RTL4: variants seen among roughly 807,000 people sequenced by gnomAD.
RTL4 encodes the protein retrotransposon Gag like 4, also known as retrotransposon Gag-like protein 4.
RTL4 carries 4 observed loss-of-function variants against 5.3 expected under a neutral mutation model. That is an observed-to-expected ratio of 0.75 (90% CI 0.37 to 1.72). The LOEUF is 1.72. Ranked by LOEUF, RTL4 falls within the 40% of genes most tolerant of loss-of-function variation. The pLI, the probability that RTL4 is intolerant of heterozygous loss-of-function variation, is 0.04. For missense variants in RTL4, 260 were observed against 227.1 expected (o/e 1.14, Z -0.93); for synonymous variants, 98 against 87.3 (o/e 1.12, Z -0.68).
chrX:112,419,763 T>A, the RTL4 span, among the ~76,000 whole-genome samples: 9 of 106,231 alleles, frequency 8.5e-5, no homozygotes, highest in Non-Finnish European at 1.5e-4. Context: ...TGACCCATTG[T>A]CTTTGTAAAG....
chrX:112,238,446 T>C, the RTL4 span, among the ~76,000 whole-genome samples: 1 of 111,682 alleles, frequency 9.0e-6, no homozygotes, highest in Non-Finnish European at 1.9e-5. Flanking sequence ...TATGCCCAAA[T>C]AAATTATTCT....
At chrX:112,331,318 A>T in the RTL4 span, among the ~76,000 whole-genome samples, 1 of 105,073 alleles carries the variant, frequency 9.5e-6, no homozygotes, top group South Asian at 4.4e-4. Flanking sequence ...CAAGAAAAAA[A>T]CAAACAACCC....
chrX:112,270,701 C>G, the RTL4 span, among the ~76,000 whole-genome samples: 1 of 110,778 alleles, frequency 9.0e-6, no homozygotes, highest in Non-Finnish European at 1.9e-5. Context: ...AATGGGTTGA[C>G]AATTAGGAGG....
At chrX:112,350,377 A>C in the RTL4 span, among the ~76,000 whole-genome samples, 1 of 108,818 alleles carries the variant, frequency 9.2e-6, no homozygotes, top group African/African-American at 3.3e-5. Context: ...TGCTGGCCTC[A>C]TAAAATGAGT....
chrX:112,239,928 T>A, the RTL4 span, among the ~76,000 whole-genome samples: 1 of 111,631 alleles, frequency 9.0e-6, no homozygotes, highest in Admixed American at 9.6e-5. Flanking sequence ...GAATCACTCA[T>A]TATACCAAGA....
At position 112,455,708 on chromosome X, in the gene RTL4, T is replaced by A. The variant is rs12400165; in HGVS notation, c.*47T>A. ...TTTTAAACTTACATCCCAGCCTTAC[T>A]GATTTATAACCTGCATTAACTTTTA... On this transcript the variant is annotated 3_prime_UTR_variant, in exon 1 of 1. Transcript: ENST00000340433. 2,093 of 1,106,593 alleles carry A rather than the reference T, an allele frequency of 1.9e-3. 4 individuals carry two copies. The highest frequency in any genetic ancestry group is 2.4e-3 in the Non-Finnish European group (1,961 of 826,784). 91.2% of individuals were successfully genotyped at this position (1,106,593 alleles called of 1,213,427 possible).
chrX:112,362,510 G>C, the RTL4 span, among the ~76,000 whole-genome samples: 38,875 of 110,693 alleles, frequency 0.35, 6,757 homozygotes, highest in African/African-American at 0.68. Flanking sequence ...AGACTGTCAT[G>C]TGAAGAAAGA....
At chrX:112,342,668 A>C in the RTL4 span, among the ~76,000 whole-genome samples, 1 of 111,842 alleles carries the variant, frequency 8.9e-6, no homozygotes, top group African/African-American at 3.3e-5. Flanking sequence ...TTGAAAGCCA[A>C]TGACAGATAC....
the RTL4 span, among the ~76,000 whole-genome samples, chrX:112,169,026 C>T: frequency 2.0e-5 from 1 of 49,064 alleles, no homozygotes; most frequent in Non-Finnish European, 3.6e-5. Flanking sequence ...CTTTCTCTTT[C>T]TCTTTCTTTC....
the RTL4 span, among the ~76,000 whole-genome samples, chrX:112,350,842 A>C: frequency 9.0e-6 from 1 of 111,166 alleles, no homozygotes; most frequent in Non-Finnish European, 1.9e-5. Context: ...AATTTTTTGA[A>C]GGGTTTTTTG....
the RTL4 span, among the ~76,000 whole-genome samples, chrX:112,419,868 A>G: frequency 9.2e-6 from 1 of 108,991 alleles, no homozygotes; most frequent in Non-Finnish European, 1.9e-5. Flanking sequence ...GGCAAAGGAA[A>G]ATCATCAAAC....
chrX:112,112,222 C>T, the RTL4 span, among the ~76,000 whole-genome samples: 1 of 112,180 alleles, frequency 8.9e-6, no homozygotes, highest in African/African-American at 3.2e-5. Context: ...GCTATTCCTG[C>T]TCTCTCTGTG....
At chrX:112,242,604 C>G in the RTL4 span, among the ~76,000 whole-genome samples, 1 of 111,582 alleles carries the variant, frequency 9.0e-6, no homozygotes, top group Non-Finnish European at 1.9e-5. Flanking sequence ...GGGCTGAGAT[C>G]ATGGAGTTTT....
At chrX:112,416,555 C>T in the RTL4 span, among the ~76,000 whole-genome samples, 6 of 111,872 alleles carry the variant, frequency 5.4e-5, no homozygotes, top group African/African-American at 1.3e-4. Flanking sequence ...TCTACTTGAC[C>T]GGCTTAGCAA....
chrX:112,402,403 TGTG>T, the RTL4 span, among the ~76,000 whole-genome samples: 9 of 42,908 alleles, frequency 2.1e-4, no homozygotes, highest in Non-Finnish European at 1.5e-4. Context: ...ATTATTATTG[TGTG>T]TGTGTGTGTG....
the RTL4 span, among the ~76,000 whole-genome samples, chrX:112,114,641 TAGAC>T: frequency 9.0e-6 from 1 of 111,377 alleles, no homozygotes; most frequent in East Asian, 2.9e-4. Flanking sequence ...ACAAAACTGA[TAGAC>T]AGGAGGTTTT....
the RTL4 span, among the ~76,000 whole-genome samples, chrX:112,285,634 G>A: frequency 3.6e-5 from 4 of 111,439 alleles, no homozygotes; most frequent in Admixed American, 3.8e-4. Flanking sequence ...TTTAATATTG[G>A]TAATTGCCAT....
chrX:112,236,562 A>G, the RTL4 span, among the ~76,000 whole-genome samples: 1 of 101,358 alleles, frequency 9.9e-6, no homozygotes, highest in Admixed American at 1.1e-4. Context: ...ATGAATATAT[A>G]TATAGTCAAA....
chrX:112,360,070 T>C, the RTL4 span, among the ~76,000 whole-genome samples: 1 of 111,614 alleles, frequency 9.0e-6, no homozygotes, highest in African/African-American at 3.2e-5. Context: ...ATATGAGTTG[T>C]ATACATAAGC....
Sources: gnomAD v4.1 joint callset for allele counts (sites outside exome capture counted in the v4.1 genomes callset) on GRCh38, gnomAD v4.1.1 for gene constraint, MANE v1.5 for transcripts, NCBI Gene and HGNC (gene_info 2026-07-23, HGNC 2026-07-21) for gene names.